The following SLIT2 variants were observed in gnomAD, a reference collection of about 807,000 sequenced individuals.
The protein encoded by SLIT2 is slit guidance ligand 2.
In SLIT2, 41 loss-of-function variants were observed where a neutral mutation model predicts 185.7. The ratio of observed to expected loss-of-function variants is 0.22; its 90% CI spans 0.17 to 0.29. The LOEUF is 0.29. SLIT2 is among the 10% of genes least tolerant of loss of function. SLIT2 has a pLI of 1.00. For missense variants in SLIT2, 1,571 were observed against 1,909.0 expected (o/e 0.82, Z 3.30); for synonymous variants, 693 against 680.2 (o/e 1.02, Z -0.29).
At chr4:20,395,342 G>A (rs1725807651) in intron 4 of SLIT2, among the ~76,000 whole-genome samples, 1 of 151,972 alleles carries the variant, frequency 6.6e-6, no homozygotes, top group African/African-American at 2.4e-5. Context: ...AACTTCTTCA[G>A]ATGGCTGTTT....
chr4:20,271,304 G>GAT (rs1713579333), intron 4 of SLIT2, among the ~76,000 whole-genome samples: 1 of 149,538 alleles, frequency 6.7e-6, no homozygotes, highest in Admixed American at 6.7e-5. Flanking sequence ...TTTGATAGTT[G>GAT]ATATATATAT....
chr4:20,420,887 G>A (rs1728122777), intron 4 of SLIT2, among the ~76,000 whole-genome samples: 1 of 152,266 alleles, frequency 6.6e-6, no homozygotes, highest in African/African-American at 2.4e-5. Flanking sequence ...ACAGCAAGAA[G>A]AAAGCCAGGA....
intron 4 of SLIT2, among the ~76,000 whole-genome samples, chr4:20,302,784 A>G (rs1717176640): frequency 6.6e-6 from 1 of 152,190 alleles, no homozygotes; most frequent in Non-Finnish European, 1.5e-5. Flanking sequence ...TGCAATTCTA[A>G]AGCAAACGTT....
rs551077202 is a variant in SLIT2 at position 20,386,093 on chromosome 4, A to G, written c.396-81659A>G. On this transcript the variant is annotated intron_variant, in intron 4 of 36. Transcript: ENST00000504154. ...CCAAAAATGCCATAATGTGTATGATATATGTATAAGTGTATAAAAGCTCAT... is the reference window on the plus strand; with the variant it reads ...CCAAAAATGCCATAATGTGTATGATGTATGTATAAGTGTATAAAAGCTCAT... Among the ~76,000 whole-genome samples the G allele has an allele frequency of 5.8e-4, 89 of 152,292 alleles. 1 individual carries two copies. In the South Asian group the frequency reaches 0.015, roughly 25 times the overall value.
At chr4:20,440,495 G>A (rs912745256) in intron 4 of SLIT2, among the ~76,000 whole-genome samples, 1 of 151,926 alleles carries the variant, frequency 6.6e-6, no homozygotes, top group Non-Finnish European at 1.5e-5. Context: ...AAATAGCACA[G>A]TATATTCTGA....
chr4:20,467,588 AATATTT>A (rs72377064), intron 4 of SLIT2, among the ~76,000 whole-genome samples, 158 bp from the exon 5 acceptor site: 22,825 of 151,766 alleles, frequency 0.15, 1,751 homozygotes, highest in Middle Eastern at 0.24. Flanking sequence ...AGAAATATAA[AATATTT>A]ATATTAGAAA....
intron 17 of SLIT2, 52 bp downstream of exon 17, chr4:20,532,110 TC>T: frequency 9.7e-7 from 1 of 1,032,550 alleles, no homozygotes; most frequent in Non-Finnish European, 1.4e-6. Context: ...TTTTGGGTGT[TC>T]ATTTCAGTTA....
intron 7 of SLIT2, among the ~76,000 whole-genome samples, chr4:20,486,620 A>T (rs983291001): frequency 7.2e-5 from 11 of 152,162 alleles, no homozygotes; most frequent in African/African-American, 2.4e-4. Context: ...TACTGCAAGC[A>T]GACCTAATAA....
intron 4 of SLIT2, among the ~76,000 whole-genome samples, chr4:20,463,728 T>C (rs906464902): frequency 3.3e-5 from 5 of 150,684 alleles, no homozygotes; most frequent in Non-Finnish European, 7.4e-5. Flanking sequence ...CAAAAAAAAT[T>C]AGCCGGGCTT....
In SLIT2 at chr4:20,428,099, C is replaced by T. The variant is rs138204041; in HGVS notation, c.396-39653C>T. Among the ~76,000 whole-genome samples the T allele has an allele frequency of 1.4e-3, 212 of 152,298 alleles. 1 individual carries two copies. The highest frequency in any genetic ancestry group is 4.9e-3 in the African/African-American group (205 of 41,562). ...GGGAGTAAAAGAAGTAGATTTAAAC[C>T]CATGTTTGACTCTTAATGTCATGTG... On this transcript the variant is annotated intron_variant, in intron 4 of 36. Transcript: ENST00000504154.
intron 1 of SLIT2, among the ~76,000 whole-genome samples, chr4:20,255,571 G>T (rs1711725490): frequency 6.6e-6 from 1 of 152,026 alleles, no homozygotes; most frequent in Non-Finnish European, 1.5e-5. Context: ...GAGAAGCCAC[G>T]CAGAATTCTG....
intron 24 of SLIT2, among the ~76,000 whole-genome samples, chr4:20,549,987 G>A (rs542314227): frequency 3.3e-5 from 5 of 151,936 alleles, no homozygotes; most frequent in Non-Finnish European, 5.9e-5. Flanking sequence ...AGGGTGTGTG[G>A]GAAGGTACTG....
chr4:20,339,799 A>C (rs992083185), intron 4 of SLIT2, among the ~76,000 whole-genome samples: 4 of 152,174 alleles, frequency 2.6e-5, no homozygotes, highest in Non-Finnish European at 5.9e-5. Context: ...ATTGAAAGAA[A>C]GGGAAAGCAG....
chr4:20,532,940 T>C (rs1000852110), intron 17 of SLIT2, among the ~76,000 whole-genome samples: 1 of 152,220 alleles, frequency 6.6e-6, no homozygotes, highest in Non-Finnish European at 1.5e-5. Flanking sequence ...GATCCTTGTT[T>C]GGGAGACACT....
chr4:20,304,312 A>C (rs1717335155), intron 4 of SLIT2, among the ~76,000 whole-genome samples: 1 of 152,202 alleles, frequency 6.6e-6, no homozygotes, highest in Admixed American at 6.5e-5. Context: ...ATAAGGTAAG[A>C]GAGAACTAAA....
chr4:20,314,825 A>T (rs1372256217), intron 4 of SLIT2, among the ~76,000 whole-genome samples: 1 of 152,132 alleles, frequency 6.6e-6, no homozygotes, highest in African/African-American at 2.4e-5. Flanking sequence ...CAAACTTACT[A>T]GTAATTAGGG....
intron 4 of SLIT2, among the ~76,000 whole-genome samples, chr4:20,370,444 C>G (rs1359864467): frequency 2.0e-5 from 3 of 152,044 alleles, no homozygotes; most frequent in African/African-American, 7.2e-5. Context: ...TGAATAAATG[C>G]TCTTCTATGC....
intron 4 of SLIT2, among the ~76,000 whole-genome samples, chr4:20,273,889 C>T (rs1374824232): frequency 6.6e-6 from 1 of 152,158 alleles, no homozygotes; most frequent in African/African-American, 2.4e-5. Flanking sequence ...TCATTTTACT[C>T]TTGGCCTGTT....
intron 29 of SLIT2, among the ~76,000 whole-genome samples, chr4:20,585,145 G>A (rs1726951398): frequency 6.6e-6 from 1 of 151,914 alleles, no homozygotes; most frequent in South Asian, 2.1e-4. Context: ...TTTTTCTTAA[G>A]AAAGTTCTGG....
Sources: allele counts gnomAD v4.1 joint callset (sites outside exome capture counted in the v4.1 genomes callset), GRCh38; gene constraint gnomAD v4.1.1; transcripts MANE v1.5; gene names NCBI Gene and HGNC (gene_info 2026-07-23, HGNC 2026-07-21).